Variants in ADAR observed in about 807,000 individuals in gnomAD.
The protein encoded by ADAR is double-stranded RNA-specific adenosine deaminase.
ADAR carries 41 observed loss-of-function variants against 113.2 expected under a neutral mutation model. The observed-to-expected ratio is 0.36, with a 90% CI of 0.28 to 0.47. The LOEUF (loss-of-function observed/expected upper bound fraction) is 0.47, where lower values mean the gene tolerates loss of function less well. Among genes scored for constraint, ADAR ranks in the 20% least tolerant of loss-of-function variants. The pLI, the probability that ADAR is intolerant of heterozygous loss-of-function variation, is 1.00. For missense variants in ADAR, 1,242 were observed against 1,540.9 expected (o/e 0.81, Z 3.25); for synonymous variants, 605 against 572.6 (o/e 1.06, Z -0.81).
In ADAR at chr1:154,583,761, G is replaced by C. The variant is rs1315384073; in HGVS notation, c.*1045C>G. On this transcript the variant is annotated 3_prime_UTR_variant, in exon 15 of 15. Coordinates refer to ENST00000368474, the MANE Select transcript of ADAR (RefSeq NM_001111.5). The stretch of plus-strand genomic sequence containing the variant: ...ACATGTGACTTAGTCAACTTCCCTT[G>C]GTGTCACTGTCATGAGAGATATTAC... The C allele has an allele frequency of 6.6e-6, 1 of 152,160 alleles. No individual in the cohort carries two copies. Among genetic ancestry groups the C allele is most frequent in the Non-Finnish European group, 1.5e-5 (1 of 68,026 alleles). 9.4% of individuals were successfully genotyped at this position (152,160 alleles called of 1,614,324 possible).
rs1342130059 is a variant in ADAR at position 154,584,562 on chromosome 1, T to A, written c.*244A>T. 7.7e-6 allele frequency: 4 copies of A among 516,726 alleles called. No individual in the cohort carries two copies. Among genetic ancestry groups the A allele is most frequent in the African/African-American group, 5.7e-5 (3 of 52,460 alleles). The allele number at this position is 516,726 out of a possible 1,614,324, so 32.0% of individuals were successfully genotyped here. Reference sequence around the variant, plus strand: ...GTATGCTTTGGGTAGAAAGAAAAGATAACTTCTTAGGTTTCTGCCTCTTCA... The same window carrying A: ...GTATGCTTTGGGTAGAAAGAAAAGAAAACTTCTTAGGTTTCTGCCTCTTCA... On this transcript the variant is annotated 3_prime_UTR_variant, in exon 15 of 15. Coordinates refer to ENST00000368474, the MANE Select transcript of ADAR (RefSeq NM_001111.5).
At chr1:154,608,959 A>C (rs1698387079), upstream of ADAR, 1 of 152,402 alleles carries the variant, frequency 6.6e-6, no homozygotes, top group African/African-American at 2.4e-5. Flanking sequence ...AAAAGTACCA[A>C]GAGTAGCAAC....
intron 1 of ADAR, among the ~76,000 whole-genome samples, chr1:154,618,916 C>G (rs1698708824): frequency 2.0e-5 from 3 of 152,156 alleles, no homozygotes; most frequent in Admixed American, 2.0e-4. Context: ...TTGAGACCAG[C>G]CTGGCCAACA....
chr1:154,604,845 CA>C (rs1229432765), intron 1 of ADAR, among the ~76,000 whole-genome samples: 1 of 152,212 alleles, frequency 6.6e-6, no homozygotes, highest in East Asian at 1.9e-4. Flanking sequence ...CAAGAGCACT[CA>C]AATCTACTAT....
At chr1:154,603,137 T>C (rs7548889) in intron 1 of ADAR, among the ~76,000 whole-genome samples, 96,329 of 152,032 alleles carry the variant, frequency 0.63, 31,563 homozygotes, top group South Asian at 0.77. Flanking sequence ...AGTGCACCCC[T>C]TGCCCACCTG....
At chr1:154,609,517 T>C (rs1698408877), upstream of ADAR, among the ~76,000 whole-genome samples, 1 of 152,212 alleles carries the variant, frequency 6.6e-6, no homozygotes, top group Non-Finnish European at 1.5e-5. Context: ...TTCTGGGCCT[T>C]TGCACATTCT....
Position 154,598,085 on chromosome 1 carries a change from G to A in ADAR, c.1786-109C>T. On this transcript the variant is annotated intron_variant, in intron 3 of 14. Transcript: ENST00000368474. ...ACTTTATTCCCACCACCTGTCAAGG[G>A]GTTGGCTTCCCAAAGTTAAAGGGGC... 3.7e-6 allele frequency: 5 copies of A among 1,362,622 alleles called. No homozygotes were observed. In the Middle Eastern group the frequency reaches 7.9e-4, roughly 215 times the overall value. 84.4% of individuals were successfully genotyped at this position (1,362,622 alleles called of 1,614,324 possible). A position where few individuals can be genotyped will look rare whatever the true frequency, so the allele number is the denominator to read the frequency against.
chr1:154,590,004 C>T lies in ADAR; in HGVS notation c.2497-76G>A, dbSNP rs371394611. The T allele has an allele frequency of 2.5e-5, 40 of 1,583,190 alleles. No individual in the cohort carries two copies. In the African/African-American group the frequency reaches 5.4e-4, roughly 21 times the overall value. ...CCATATTCACCGTGGGCAGGGAGAT[C>T]AAGCTCTACTTGTCGTGTGAGTCAT... is the stretch of plus-strand genomic sequence containing the variant. On this transcript the variant is annotated intron_variant, in intron 7 of 14. Transcript: ENST00000368474.
At chr1:154,626,273 C>G (rs986879449) in intron 1 of ADAR, among the ~76,000 whole-genome samples, 11 of 151,906 alleles carry the variant, frequency 7.2e-5, no homozygotes, top group African/African-American at 2.7e-4. Flanking sequence ...CACCATCATG[C>G]TGGTCTAATT....
At chr1:154,599,562 A>G (rs536084840) in intron 2 of ADAR, among the ~76,000 whole-genome samples, 98 of 152,340 alleles carry the variant, frequency 6.4e-4, no homozygotes, top group Non-Finnish European at 1.2e-3. Context: ...TCATGAAGAC[A>G]GTCAAGACAA....
At chr1:154,626,927 T>C (rs752386000) in intron 1 of ADAR, among the ~76,000 whole-genome samples, 1 of 152,220 alleles carries the variant, frequency 6.6e-6, no homozygotes, top group African/African-American at 2.4e-5. Flanking sequence ...GAGAAAGAAG[T>C]TGGCATCACA....
rs1696878358 is a variant in ADAR at position 154,588,037 on chromosome 1, T to C, written c.3019+88A>G. 14 of 1,591,216 alleles carry C rather than the reference T, an allele frequency of 8.8e-6. No homozygotes were observed. The South Asian group carries it at 1.2e-4, about 14-fold the overall frequency. Reference sequence around the variant, plus strand: ...CACCTCTGTGCCCAGTGACTAATGGTAAAATCCTAGCAGCCTTGTAGAGAC... The same window carrying C: ...CACCTCTGTGCCCAGTGACTAATGGCAAAATCCTAGCAGCCTTGTAGAGAC... On this transcript the variant is annotated intron_variant, in intron 11 of 14. Coordinates refer to ENST00000368474, the MANE Select transcript of ADAR (RefSeq NM_001111.5).
chr1:154,615,047 G>A (rs1170885986), intron 1 of ADAR, among the ~76,000 whole-genome samples: 3 of 152,228 alleles, frequency 2.0e-5, no homozygotes, highest in African/African-American at 7.2e-5. Context: ...CGCAACACAA[G>A]CGATGCCAGC....
At position 154,601,560 on chromosome 1, in the gene ADAR, T is replaced by C; in HGVS notation, c.1082A>G (p.Glu361Gly). The C allele has an allele frequency of 6.2e-7, 1 of 1,612,598 alleles. No homozygotes were observed. Among genetic ancestry groups the C allele is most frequent in the Non-Finnish European group, 8.5e-7 (1 of 1,180,042 alleles). ...PIWHLTDKKR[E>G]RMQIKRNTNS... ...CGTATTTCTCTTGATTTGCATCCTC[T>C]CTCGCTTCTTGTCTGTCAAATGCCA... Residue 361 changes from glutamate to glycine, a missense_variant, in exon 2 of 15, where the codon GAG (glutamate) becomes GGG (glycine). Glu to Gly is a moderately conservative substitution (Grantham distance 98). This residue lies in a region of ADAR where 462 missense variants were observed against 483.1 expected (regional missense o/e 0.96). Coordinates refer to ENST00000368474, the MANE Select transcript of ADAR (RefSeq NM_001111.5). The surrounding 1 kb of genome is among the most constrained non-coding windows in gnomAD (Gnocchi z 4.7).
rs1277267568 is a variant in ADAR at position 154,586,254 on chromosome 1, C to T, written c.3129G>A (p.Trp1043Ter). Residue 1043 changes from tryptophan to a stop codon, truncating the protein, a stop_gained, in exon 12 of 15, where the codon TGG (tryptophan) becomes TGA (stop). Transcript: ENST00000368474. LOFTEE classifies it high-confidence loss of function. ...TMSCSDKILR[W>*]NVLGLQGALL... ...GTGCCCCTTGCAGGCCCAGCACGTT[C>T]CAGCGTAGGATTTTGTCACTACAGG... 1 of 1,614,194 alleles carries T rather than the reference C, an allele frequency of 6.2e-7. No homozygotes were observed. The highest frequency in any genetic ancestry group is 1.3e-5 in the African/African-American group (1 of 75,032).
At position 154,601,596 on chromosome 1, in the gene ADAR, G is replaced by C; in HGVS notation, c.1046C>G (p.Thr349Ser). The change falls in exon 2 of 15, where the codon ACC becomes AGC. Residue 349 changes from threonine (T) to serine (S), a missense_variant. Thr to Ser is a moderately conservative substitution (Grantham distance 58). Coordinates refer to ENST00000368474, the MANE Select transcript of ADAR (RefSeq NM_001111.5). The surrounding 1 kb of genome is among the most constrained non-coding windows in gnomAD (Gnocchi z 4.7). ...GTCTGTCAAATGCCATATGGGAGGG[G>C]TTGTCCCTTGTCTATAGACATCCCC... The part of the protein sequence containing the change: ...RQGDVYRQGT[T>S]PPIWHLTDKK... 6.2e-7 allele frequency: 1 copy of C among 1,612,524 alleles called. No individual in the cohort carries two copies. The highest frequency in any genetic ancestry group is 1.1e-5 in the South Asian group (1 of 91,092).
At chr1:154,593,573 T>C (rs1697308086) in intron 6 of ADAR, among the ~76,000 whole-genome samples, 1 of 152,146 alleles carries the variant, frequency 6.6e-6, no homozygotes, top group African/African-American at 2.4e-5. Context: ...ACTGAACCTA[T>C]CATCTGAAGG....
At chr1:154,613,711 C>T (rs1557901389) in intron 1 of ADAR, among the ~76,000 whole-genome samples, 1 of 151,980 alleles carries the variant, frequency 6.6e-6, no homozygotes, top group Admixed American at 6.6e-5. Context: ...TCGAGACCCG[C>T]CTGACTAACA....
Position 154,586,511 on chromosome 1 carries a change from T to A in ADAR, c.3020-148A>T. The A allele has an allele frequency of 3.5e-6, 3 of 858,340 alleles. No individual in the cohort carries two copies. In the Admixed American group the frequency reaches 6.0e-5, roughly 17 times the overall value. The allele number at this position is 858,340 out of a possible 1,614,324, so 53.2% of individuals were successfully genotyped here. On this transcript the variant is annotated intron_variant, in intron 11 of 14. Transcript: ENST00000368474. ...AGCCCCTGCTATGCGCCAGGCACTATGCTTGGTGCTGGGAAAGAACGGTGA... is the reference window on the plus strand; with the variant it reads ...AGCCCCTGCTATGCGCCAGGCACTAAGCTTGGTGCTGGGAAAGAACGGTGA...
Sources: gnomAD v4.1 joint callset for allele counts (sites outside exome capture counted in the v4.1 genomes callset) on GRCh38, gnomAD v4.1.1 for gene constraint, gnomAD v4.1.1 regional missense constraint, Gnocchi (gnomAD v3.1) non-coding constraint, MANE v1.5 for transcripts, NCBI Gene and HGNC (gene_info 2026-07-23, HGNC 2026-07-21) for gene names.